The following ANKRD27 variants were observed in gnomAD, a reference collection of about 807,000 sequenced individuals.
The protein encoded by ANKRD27 is ankyrin repeat domain-containing protein 27.
In ANKRD27, 112 loss-of-function variants were observed where a neutral mutation model predicts 129.7. The ratio of observed to expected loss-of-function variants is 0.86; its 90% CI spans 0.74 to 1.01. The LOEUF is 1.01. Ranked by LOEUF, ANKRD27 falls within the 50% of genes least tolerant of loss-of-function variation. ANKRD27 has a pLI of 0.00. For missense variants in ANKRD27, 1,258 were observed against 1,300.5 expected, an observed-to-expected ratio of 0.97 and a Z score of 0.50; for synonymous variants, 516 against 511.2, an observed-to-expected ratio of 1.01 and a Z score of -0.13.
At chr19:32,643,768 T>C in intron 5 of ANKRD27, 137 bp from the exon 6 acceptor site, 1 of 822,308 alleles carries the variant, frequency 1.2e-6, no homozygotes, top group Non-Finnish European at 1.9e-6. Context: ...TTTCTCAACT[T>C]TTTTTTTAGG....
At position 32,643,195 on chromosome 19, in the gene ANKRD27, G is replaced by T; in HGVS notation, c.710C>A (p.Ala237Glu). Reference protein sequence around the residue: ...YVGTMEASEDAAFNKITRSLQ... With the variant: ...YVGTMEASEDEAFNKITRSLQ... ...GCTTCTTGTGATTTTGTTAAAGGCC[G>T]CATCCTAACAACAGATTTTAACGAA... is the stretch of plus-strand genomic sequence containing the variant. Residue 237 changes from alanine to glutamate, a missense_variant, in exon 9 of 29, where the codon GCG becomes GAG. Coordinates refer to ENST00000306065, the MANE Select transcript of ANKRD27 (RefSeq NM_032139.3). 6.2e-7 allele frequency: 1 copy of T among 1,614,042 alleles called. No individual in the cohort carries two copies. Among genetic ancestry groups the T allele is most frequent in the African/African-American group, 1.3e-5 (1 of 75,036 alleles).
At chr19:32,600,992 G>A (rs1026897392) in intron 26 of ANKRD27, among the ~76,000 whole-genome samples, 16 of 151,938 alleles carry the variant, frequency 1.1e-4, no homozygotes, top group African/African-American at 3.9e-4. Flanking sequence ...CTCCGTACAC[G>A]TACAAACTTA....
chr19:32,597,488 G>C lies in ANKRD27; in HGVS notation c.*657C>G, dbSNP rs546485075. 6.5e-6 allele frequency: 1 copy of C among 153,046 alleles called. No individual in the cohort carries two copies. Among genetic ancestry groups the C allele is most frequent in the African/African-American group, 2.4e-5 (1 of 41,428 alleles). The allele number at this position is 153,046 out of a possible 1,614,324, so 9.5% of individuals were successfully genotyped here. A position where few individuals can be genotyped will look rare whatever the true frequency, so the allele number is the denominator to read the frequency against. ...TGCTACAGGTGCACGTGTAGTAACC[G>C]AATATCTGTACCTACTTGTTAGAAG... On this transcript the variant is annotated 3_prime_UTR_variant, in exon 29 of 29. Coordinates refer to ENST00000306065, the MANE Select transcript of ANKRD27 (RefSeq NM_032139.3).
intron 9 of ANKRD27, 157 bp downstream of exon 9, chr19:32,642,966 G>A: frequency 1.4e-6 from 1 of 718,796 alleles, no homozygotes; most frequent in Non-Finnish European, 2.3e-6. Flanking sequence ...CCTATAAAGG[G>A]CAGCCCTTTA....
rs751217385 is a variant in ANKRD27, at chr19:32,643,329, G to A, written c.663C>T (p.Tyr221=). ...AVEIYVHHEI[Y]NLIFKYVGTM... ...TCCCCACGTATTTAAAGATCAGGTT[G>A]TAAATTTCATGATGGACGTATATCT... The change falls in exon 8 of 29, where the codon TAC becomes TAT. Residue 221 remains tyrosine (Y), a synonymous_variant. Coordinates refer to ENST00000306065, the MANE Select transcript of ANKRD27 (RefSeq NM_032139.3). 3 of 1,613,956 alleles carry A rather than the reference G, an allele frequency of 1.9e-6. No individual in the cohort carries two copies. The South Asian group carries it at 3.3e-5, about 18-fold the overall frequency.
chr19:32,616,061 C>T (rs1234721554), intron 21 of ANKRD27, among the ~76,000 whole-genome samples: 1 of 152,144 alleles, frequency 6.6e-6, no homozygotes, highest in Admixed American at 6.6e-5. Context: ...GGGCTGGGCG[C>T]AGTGGCTTAT....
Position 32,607,674 on chromosome 19 carries a change from G to A in ANKRD27, c.2334C>T (p.Ala778=), listed in dbSNP as rs770393444. Residue 778 remains alanine, a synonymous_variant, in exon 23 of 29, where the codon GCC becomes GCT. Coordinates refer to ENST00000306065, the MANE Select transcript of ANKRD27 (RefSeq NM_032139.3). The part of the protein sequence containing the change: ...ANAGARNADQ[A]VPLHLACQQG... Reference sequence around the variant, plus strand: ...GCTGGCAGGCCAGGTGGAGCGGGACGGCTTGGTCTGCGTTCCTGGCACCTG... The same window carrying A: ...GCTGGCAGGCCAGGTGGAGCGGGACAGCTTGGTCTGCGTTCCTGGCACCTG... The A allele has an allele frequency of 1.4e-5, 23 of 1,611,932 alleles. No homozygotes were observed. Among genetic ancestry groups the A allele is most frequent in the Middle Eastern group, 1.9e-4 (1 of 5,256 alleles).
chr19:32,667,496 C>A (rs563472645), intron 1 of ANKRD27, among the ~76,000 whole-genome samples: 1 of 152,114 alleles, frequency 6.6e-6, no homozygotes, highest in South Asian at 2.1e-4. Context: ...AAAAAGAAAT[C>A]TTATTACTAC....
rs1480137682 is a variant in ANKRD27, at chr19:32,597,333, G to C, written c.*812C>G. ...GACCTGGTTTGTGCTGTTAAGTTTTGAATTTGAATCAAAAGACTAAGAAAA... is the reference window on the plus strand; with the variant it reads ...GACCTGGTTTGTGCTGTTAAGTTTTCAATTTGAATCAAAAGACTAAGAAAA... On this transcript the variant is annotated 3_prime_UTR_variant, in exon 29 of 29. Coordinates refer to ENST00000306065, the MANE Select transcript of ANKRD27 (RefSeq NM_032139.3). 6.6e-6 allele frequency: 1 copy of C among 152,582 alleles called. No homozygotes were observed. The highest frequency in any genetic ancestry group is 2.4e-5 in the African/African-American group (1 of 41,436). The allele number at this position is 152,582 out of a possible 1,614,324, so 9.5% of individuals were successfully genotyped here. A position where few individuals can be genotyped will look rare whatever the true frequency, so the allele number is the denominator to read the frequency against.
In ANKRD27 at chr19:32,640,434, C is replaced by G. The variant is rs373597193; in HGVS notation, c.905-49G>C. 1.3e-5 allele frequency: 20 copies of G among 1,505,026 alleles called. 1 individual carries two copies. Among genetic ancestry groups the G allele is most frequent in the Non-Finnish European group, 1.8e-5 (20 of 1,081,540 alleles). 93.2% of individuals were successfully genotyped at this position (1,505,026 alleles called of 1,614,324 possible). On this transcript the variant is annotated intron_variant, in intron 10 of 28. Coordinates refer to ENST00000306065, the MANE Select transcript of ANKRD27 (RefSeq NM_032139.3). ...AATGCCATCATGAGATTCAAATGGA[C>G]TGACAAGCATATCAACTCCCTACCA...
In ANKRD27 at chr19:32,599,768, G is replaced by GAA; in HGVS notation, c.2854_2855insTT (p.Thr952IlefsTer16). ...ATCTCTTGCCATAATCTCCCTTGAA[G>GAA]TCTTTCCCCTAAAACCCAAAATAAA... On this transcript the variant is annotated frameshift_variant, in exon 28 of 29. Transcript: ENST00000306065. LOFTEE classifies it high-confidence loss of function. 6.2e-7 allele frequency: 1 copy of GAA among 1,613,536 alleles called. No homozygotes were observed. The highest frequency in any genetic ancestry group is 1.3e-5 in the African/African-American group (1 of 75,050).
In ANKRD27 at chr19:32,631,431, T is replaced by C; in HGVS notation, c.1180A>G (p.Thr394Ala). Residue 394 changes from threonine (T) to alanine (A), a missense_variant, in exon 13 of 29, where the codon ACT becomes GCT. Transcript: ENST00000306065. ...AACAGGCAGTCGGTGGGAGACGAAG[T>C]CATCTGAGAGAGTAAGCTCATTCTC... is the stretch of plus-strand genomic sequence containing the variant. ...KQRMSLLSQM[T>A]SSPTDCLFKH... is the part of the protein sequence containing the mutation. The C allele has an allele frequency of 6.2e-7, 1 of 1,613,986 alleles. No individual in the cohort carries two copies. Among genetic ancestry groups the C allele is most frequent in the Non-Finnish European group, 8.5e-7 (1 of 1,179,968 alleles).
chr19:32,632,826 C>A (rs7247406), intron 12 of ANKRD27, among the ~76,000 whole-genome samples: 21,779 of 152,036 alleles, frequency 0.14, 2,700 homozygotes, highest in African/African-American at 0.34. Flanking sequence ...TTACAGCCCT[C>A]TAAGTTTTGA....
chr19:32,611,279 G>A (rs1479405482), intron 22 of ANKRD27, among the ~76,000 whole-genome samples: 2 of 152,164 alleles, frequency 1.3e-5, no homozygotes, highest in African/African-American at 2.4e-5. Flanking sequence ...GAGGGCCCGA[G>A]GGCTTCATCA....
intron 12 of ANKRD27, chr19:32,636,116 T>C (rs4805790): frequency 0.71 from 109,789 of 154,980 alleles, 39,581 homozygotes; most frequent in African/African-American, 0.84. Context: ...GTGTAATGGA[T>C]GTTAACACTG....
At chr19:32,670,082 G>C (rs1056913305) in intron 1 of ANKRD27, among the ~76,000 whole-genome samples, 7 of 151,976 alleles carry the variant, frequency 4.6e-5, no homozygotes, top group Admixed American at 4.6e-4. Context: ...TCCAAGCAGA[G>C]GCCAGAAAGG....
chr19:32,674,751 C>T (rs956902104), intron 1 of ANKRD27, among the ~76,000 whole-genome samples: 28 of 152,040 alleles, frequency 1.8e-4, no homozygotes, highest in Middle Eastern at 3.4e-3. Context: ...AGATCCGAAC[C>T]GCCGGACCCG....
intron 2 of ANKRD27, among the ~76,000 whole-genome samples, chr19:32,657,283 G>A (rs944618566): frequency 2.6e-5 from 4 of 151,856 alleles, no homozygotes; most frequent in African/African-American, 7.3e-5. Context: ...CCAACATGGT[G>A]AAACCCTGTC....
intron 17 of ANKRD27, among the ~76,000 whole-genome samples, chr19:32,624,366 C>CAAA (rs546163855): frequency 1.4e-5 from 1 of 72,758 alleles, no homozygotes; most frequent in African/African-American, 5.2e-5. Flanking sequence ...GACTCCGTCT[C>CAAA]AAAAAAAAAA....
Sources: gnomAD v4.1 joint callset for allele counts (sites outside exome capture counted in the v4.1 genomes callset) on GRCh38, gnomAD v4.1.1 for gene constraint, MANE v1.5 for transcripts, NCBI Gene and HGNC (gene_info 2026-07-23, HGNC 2026-07-21) for gene names.